The following LINGO2 variants were observed in gnomAD, a reference collection of about 807,000 sequenced individuals.
LINGO2 encodes the protein leucine rich repeat and Ig domain containing 2, also known as leucine-rich repeat and immunoglobulin-like domain-containing nogo receptor-interacting protein 2.
Under a neutral mutation model 30.6 loss-of-function variants are expected in LINGO2, and 14 were observed. The ratio of observed to expected loss-of-function variants is 0.46; its 90% CI spans 0.30 to 0.72. The LOEUF (loss-of-function observed/expected upper bound fraction) is 0.72, where lower values mean the gene tolerates loss of function less well. Among genes scored for constraint, LINGO2 ranks in the 30% least tolerant of loss-of-function variants. The pLI is 0.07. For missense variants in LINGO2, 729 were observed against 751.7 expected (o/e 0.97, Z 0.35); for synonymous variants, 317 against 288.5 (o/e 1.10, Z -1.00).
the LINGO2 span, among the ~76,000 whole-genome samples, chr9:28,790,743 AT>A: frequency 6.6e-6 from 1 of 152,170 alleles, no homozygotes; most frequent in African/African-American, 2.4e-5. Context: ...TTATTATAGT[AT>A]ATTGTTATAA....
chr9:29,089,186 T>A, the LINGO2 span, among the ~76,000 whole-genome samples: 1 of 151,742 alleles, frequency 6.6e-6, no homozygotes, highest in Non-Finnish European at 1.5e-5. Context: ...CACTATGGTG[T>A]GCTTTATTTA....
chr9:29,097,392 T>C, the LINGO2 span, among the ~76,000 whole-genome samples: 3 of 138,662 alleles, frequency 2.2e-5, 1 homozygote, highest in African/African-American at 8.1e-5. Flanking sequence ...AAATTTCATA[T>C]GCCATCTTCA....
At chr9:28,403,660 T>C (rs1009842095) in intron 2 of LINGO2, among the ~76,000 whole-genome samples, 35 of 152,062 alleles carry the variant, frequency 2.3e-4, no homozygotes, top group Middle Eastern at 3.4e-3. Context: ...TCTCCTTTTT[T>C]TTTTTTTTTC....
the LINGO2 span, among the ~76,000 whole-genome samples, chr9:28,793,523 A>G: frequency 1.3e-5 from 2 of 152,324 alleles, no homozygotes; most frequent in South Asian, 2.1e-4. Context: ...ATATATTCCT[A>G]TATTACATAG....
At chr9:27,959,151 G>A (rs1445580784) in intron 5 of LINGO2, among the ~76,000 whole-genome samples, 10 of 152,076 alleles carry the variant, frequency 6.6e-5, no homozygotes, top group Non-Finnish European at 1.0e-4. Context: ...ATATCAGTGA[G>A]TTGTGCCTTT....
chr9:29,119,363 G>GTGCACACACA, the LINGO2 span, among the ~76,000 whole-genome samples: 5 of 151,270 alleles, frequency 3.3e-5, no homozygotes, highest in Middle Eastern at 3.4e-3. Flanking sequence ...GCACGTGTGC[G>GTGCACACACA]CGCACACACA....
At chr9:28,326,952 G>A (rs1254324626) in intron 3 of LINGO2, among the ~76,000 whole-genome samples, 3 of 152,144 alleles carry the variant, frequency 2.0e-5, no homozygotes, top group Admixed American at 2.0e-4. Flanking sequence ...GCTTGCTAAG[G>A]TCTGAATGCA....
the LINGO2 span, among the ~76,000 whole-genome samples, chr9:28,867,792 C>T: frequency 2.0e-5 from 3 of 151,958 alleles, no homozygotes; most frequent in Admixed American, 6.6e-5. Flanking sequence ...TTTGTCTTTG[C>T]CCCATAACGT....
chr9:27,956,420 A>G (rs1461609211), intron 5 of LINGO2, among the ~76,000 whole-genome samples: 4 of 152,216 alleles, frequency 2.6e-5, no homozygotes, highest in Non-Finnish European at 5.9e-5. Flanking sequence ...TTATTGAGAT[A>G]TAAATGTTAT....
chr9:28,218,747 C>T (rs1224129132), intron 4 of LINGO2, among the ~76,000 whole-genome samples: 2 of 152,110 alleles, frequency 1.3e-5, no homozygotes, highest in African/African-American at 4.8e-5. Context: ...CACAACCTAC[C>T]TCCTATAACT....
intron 4 of LINGO2, among the ~76,000 whole-genome samples, chr9:28,256,505 G>C (rs1387160697): frequency 6.6e-6 from 1 of 151,732 alleles, no homozygotes; most frequent in Non-Finnish European, 1.5e-5. Context: ...ACAAATAATT[G>C]CATTAAATAA....
At chr9:28,299,572 C>A (rs1438338696) in intron 3 of LINGO2, among the ~76,000 whole-genome samples, 1 of 151,798 alleles carries the variant, frequency 6.6e-6, no homozygotes, top group East Asian at 1.9e-4. Flanking sequence ...TATGTAGTTT[C>A]TTTTTAATTG....
intron 3 of LINGO2, among the ~76,000 whole-genome samples, chr9:28,341,004 C>A (rs1244216632): frequency 6.6e-6 from 1 of 151,950 alleles, no homozygotes. Context: ...TCTAATGAGT[C>A]CTTAGAGAAT....
At chr9:28,353,981 T>C (rs907377195) in intron 3 of LINGO2, among the ~76,000 whole-genome samples, 5 of 152,008 alleles carry the variant, frequency 3.3e-5, no homozygotes, top group Non-Finnish European at 5.9e-5. Flanking sequence ...GGAAGGGGAA[T>C]ATCACACTCT....
intron 1 of LINGO2, among the ~76,000 whole-genome samples, chr9:28,652,594 C>T (rs1473148087): frequency 1.3e-5 from 2 of 151,822 alleles, no homozygotes; most frequent in African/African-American, 4.8e-5. Flanking sequence ...CAAAACCATA[C>T]CTTGTTGCTT....
At chr9:28,343,019 G>A (rs752223502) in intron 3 of LINGO2, among the ~76,000 whole-genome samples, 7 of 152,090 alleles carry the variant, frequency 4.6e-5, no homozygotes, top group Non-Finnish European at 7.4e-5. Flanking sequence ...TGCAAAATTG[G>A]TTTAAACATC....
chr9:29,130,531 A>G, the LINGO2 span, among the ~76,000 whole-genome samples: 1 of 152,144 alleles, frequency 6.6e-6, no homozygotes, highest in Non-Finnish European at 1.5e-5. Flanking sequence ...CCCTCTTAAG[A>G]ATCCATAATT....
At chr9:28,450,284 G>A (rs1378345390) in intron 2 of LINGO2, among the ~76,000 whole-genome samples, 2 of 151,986 alleles carry the variant, frequency 1.3e-5, no homozygotes, top group Admixed American at 6.6e-5. Context: ...ATTGGGTCCC[G>A]TCAATCTGCC....
rs1820125551 is a variant in LINGO2 at position 28,506,447 on chromosome 9, CACACACACATACACAT to C, written c.-364-30438_-364-30423del. ...ACACACACACACACACACACACACA[CACACACACATACACAT>C]ACACACACACACACACATACACATA... On this transcript the variant is annotated intron_variant, in intron 1 of 5. Transcript: ENST00000379992. Among the ~76,000 whole-genome samples, 4 of 114,952 alleles carry C rather than the reference CACACACACATACACAT, an allele frequency of 3.5e-5. 1 individual carries two copies. The highest frequency in any genetic ancestry group is 2.4e-4 in the East Asian group (1 of 4,168). 75.4% of individuals were successfully genotyped at this position (114,952 alleles called of 152,430 possible).
Sources: allele counts gnomAD v4.1 joint callset (sites outside exome capture counted in the v4.1 genomes callset), GRCh38; gene constraint gnomAD v4.1.1; transcripts MANE v1.5; gene names NCBI Gene and HGNC (gene_info 2026-07-23, HGNC 2026-07-21).